RAB11FIP3: variants seen among roughly 807,000 people sequenced by gnomAD.
RAB11FIP3 encodes the protein rab11 family-interacting protein 3.
A neutral mutation model predicts 77.8 loss-of-function variants in RAB11FIP3; 17 were observed. The observed-to-expected ratio is 0.22, with a 90% confidence interval of 0.15 to 0.33. The LOEUF is 0.33. Ranked by LOEUF, RAB11FIP3 falls within the 10% of genes least tolerant of loss-of-function variation. The pLI is 1.00. For missense variants in RAB11FIP3, 1,005 were observed against 1,011.2 expected (o/e 0.99, Z 0.08); for synonymous variants, 437 against 448.2 (o/e 0.98, Z 0.31).
Position 439,457 on chromosome 16 carries a change from A to C in RAB11FIP3, c.714+12737A>C, listed in dbSNP as rs570753527. The C allele has an allele frequency of 2.0e-5, 3 of 152,358 alleles. No homozygotes were observed. The South Asian group carries it at 6.2e-4, about 32-fold the overall frequency. 9.4% of individuals were successfully genotyped at this position (152,358 alleles called of 1,614,324 possible). On this transcript the variant is annotated intron_variant, in intron 1 of 13. Transcript: ENST00000262305. ...ACCATCTTGTGATATTCTTGTGTTT[A>C]TCATAAGTTTCAAAACAGGGCTCAT...
rs1239611315 is a variant in RAB11FIP3 at position 505,411 on chromosome 16, G to A, written c.1396-113G>A. ...GATCCAACACCAGCCTAGCTAGGTG[G>A]ATCTGATTCTGTGCTGAGAAAATCC... On this transcript the variant is annotated intron_variant, in intron 7 of 13. Coordinates refer to ENST00000262305, the MANE Select transcript of RAB11FIP3 (RefSeq NM_014700.4). This position sits in a 1 kb window ranked among gnomAD's most constrained non-coding sequence, Gnocchi z 4.0. 2.6e-6 allele frequency: 2 copies of A among 759,318 alleles called. No homozygotes were observed. The highest frequency in any genetic ancestry group is 4.2e-6 in the Non-Finnish European group (2 of 473,540). The allele number at this position is 759,318 out of a possible 1,614,324, so 47.0% of individuals were successfully genotyped here.
rs1313858050 is a variant in RAB11FIP3, at chr16:425,949, G to T, written c.-58G>T. On this transcript the variant is annotated 5_prime_UTR_variant, in exon 1 of 14. Coordinates refer to ENST00000262305, the MANE Select transcript of RAB11FIP3 (RefSeq NM_014700.4). ...AGGGGATGCCCGCGCCCGCCGCCGC[G>T]CCCTGAGCGCCTTTGTCTGCCGCCC... 1.8e-5 allele frequency: 13 copies of T among 738,268 alleles called. No individual in the cohort carries two copies. Among genetic ancestry groups the T allele is most frequent in the Middle Eastern group, 6.8e-4 (1 of 1,470 alleles). The allele number at this position is 738,268 out of a possible 1,614,324, so 45.7% of individuals were successfully genotyped here.
In RAB11FIP3 at chr16:433,740, C is replaced by T. The variant is rs998235791; in HGVS notation, c.714+7020C>T. ...GTGTGGTTGCGGGCGCCTGTAGACC[C>T]ACCTACTTGGGAGGCTGAGGCAGGA... On this transcript the variant is annotated intron_variant, in intron 1 of 13. Transcript: ENST00000262305. Among the ~76,000 whole-genome samples, 7 of 151,534 alleles carry T rather than the reference C, an allele frequency of 4.6e-5. No homozygotes were observed. The South Asian group carries it at 1.5e-3, about 32-fold the overall frequency.
chr16:499,973 G>A (rs1229646394), intron 6 of RAB11FIP3, among the ~76,000 whole-genome samples: 4 of 152,210 alleles, frequency 2.6e-5, no homozygotes, highest in African/African-American at 9.6e-5. Context: ...TAAACGTCGC[G>A]ATTCGCTTCT....
intron 6 of RAB11FIP3, chr16:497,504 G>A: frequency 8.5e-7 from 1 of 1,181,466 alleles, no homozygotes; most frequent in Non-Finnish European, 1.1e-6. Flanking sequence ...CTGCTTCGTG[G>A]CCCGGCATCT....
chr16:431,212 CATATT>C (rs2055029813), intron 1 of RAB11FIP3, among the ~76,000 whole-genome samples: 1 of 151,822 alleles, frequency 6.6e-6, no homozygotes, highest in Non-Finnish European at 1.5e-5. Flanking sequence ...GTGTAAGTGG[CATATT>C]ATGTATGTGT....
At position 426,084 on chromosome 16, in the gene RAB11FIP3, G is replaced by C. The variant is rs1185632091; in HGVS notation, c.78G>C (p.Gly26=). ...GPDPEPGGPD[G]PGAAQLAPGP... ...ACCCGGAGCCGGGCGGGCCGGACGG[G>C]CCGGGGGCGGCACAACTGGCTCCGG... is the stretch of plus-strand genomic sequence containing the variant. The change falls in exon 1 of 14, where the codon GGG becomes GGC. Residue 26 remains glycine, a synonymous_variant. Coordinates refer to ENST00000262305, the MANE Select transcript of RAB11FIP3 (RefSeq NM_014700.4). This position sits in a 1 kb window ranked among gnomAD's most constrained non-coding sequence, Gnocchi z 5.0. The C allele has an allele frequency of 1.0e-6, 1 of 1,003,282 alleles. No homozygotes were observed. Among genetic ancestry groups the C allele is most frequent in the Non-Finnish European group, 1.2e-6 (1 of 843,338 alleles). The allele number at this position is 1,003,282 out of a possible 1,614,324, so 62.1% of individuals were successfully genotyped here.
At chr16:457,734 T>C (rs2055526874) in intron 1 of RAB11FIP3, among the ~76,000 whole-genome samples, 1 of 152,224 alleles carries the variant, frequency 6.6e-6, no homozygotes, top group Non-Finnish European at 1.5e-5. Context: ...GTTTAAAAAA[T>C]ATTTGGTTAA....
chr16:471,237 G>C lies in RAB11FIP3; in HGVS notation c.809-58G>C. The C allele has an allele frequency of 1.4e-6, 2 of 1,480,606 alleles. No homozygotes were observed. The highest frequency in any genetic ancestry group is 1.9e-6 in the Non-Finnish European group (2 of 1,064,080). 91.7% of individuals were successfully genotyped at this position (1,480,606 alleles called of 1,614,324 possible). ...CCCAGGGAGTCCCGAGGCCGCCAGG[G>C]GTCCCGTCACTGGGTGGCTATGGGT... On this transcript the variant is annotated intron_variant, in intron 2 of 13. Transcript: ENST00000262305. The surrounding 1 kb of genome is among the most constrained non-coding windows in gnomAD (Gnocchi z 4.4).
At chr16:469,881 T>C (rs1472055021) in intron 2 of RAB11FIP3, among the ~76,000 whole-genome samples, 1 of 152,070 alleles carries the variant, frequency 6.6e-6, no homozygotes, top group Non-Finnish European at 1.5e-5. Context: ...GGCTGGAATG[T>C]AGTGGTGCAG....
intron 9 of RAB11FIP3, among the ~76,000 whole-genome samples, chr16:515,439 CCAG>C (rs1214747425): frequency 6.6e-6 from 1 of 152,210 alleles, no homozygotes; most frequent in East Asian, 1.9e-4. Context: ...ACACCCTGCG[CCAG>C]CAGCTACACC....
chr16:501,703 A>AAC (rs2031535087), intron 6 of RAB11FIP3, among the ~76,000 whole-genome samples: 1 of 132,440 alleles, frequency 7.6e-6, no homozygotes, highest in East Asian at 2.5e-4. Context: ...AAGCTGGGAG[A>AAC]GGGTCCCCCC....
intron 1 of RAB11FIP3, among the ~76,000 whole-genome samples, chr16:432,596 T>C (rs1320070577): frequency 7.0e-6 from 1 of 142,228 alleles, no homozygotes; most frequent in Non-Finnish European, 1.5e-5. Flanking sequence ...GGTTTTTTTT[T>C]TTTTTTTGTG....
At chr16:464,265 C>G (rs1162381360) in intron 2 of RAB11FIP3, among the ~76,000 whole-genome samples, 3 of 152,080 alleles carry the variant, frequency 2.0e-5, no homozygotes, top group Non-Finnish European at 4.4e-5. Flanking sequence ...CTGATGGGGC[C>G]GTGTCTCAGT....
chr16:489,528 G>A (rs1292060016), intron 5 of RAB11FIP3, among the ~76,000 whole-genome samples: 1 of 152,176 alleles, frequency 6.6e-6, no homozygotes, highest in Non-Finnish European at 1.5e-5. Flanking sequence ...GTCTGGGTAC[G>A]TACTTCTGAG....
chr16:434,102 G>A (rs924376885), intron 1 of RAB11FIP3, among the ~76,000 whole-genome samples: 4 of 152,044 alleles, frequency 2.6e-5, no homozygotes, highest in African/African-American at 9.7e-5. Flanking sequence ...TCTGATATCA[G>A]ATGTATATTT....
rs1345805978 is a variant in RAB11FIP3, at chr16:471,163, C to A, written c.809-132C>A. On this transcript the variant is annotated intron_variant, in intron 2 of 13. Coordinates refer to ENST00000262305, the MANE Select transcript of RAB11FIP3 (RefSeq NM_014700.4). The surrounding 1 kb of genome is among the most constrained non-coding windows in gnomAD (Gnocchi z 4.4). The stretch of plus-strand genomic sequence containing the variant: ...TGCTCACTCCCTTGCTTGTCTTGAC[C>A]CCCCCCAGGGCCCCCAACTCCCACA... 1.1e-5 allele frequency: 8 copies of A among 707,908 alleles called. No individual in the cohort carries two copies. The East Asian group carries it at 2.2e-4, about 19-fold the overall frequency. The allele number at this position is 707,908 out of a possible 1,614,324, so 43.9% of individuals were successfully genotyped here.
At position 475,037 on chromosome 16, in the gene RAB11FIP3, T is replaced by C. The variant is rs1393248472; in HGVS notation, c.903+3648T>C. ...GGAGCCGGTCTCCAACAGCATGCCCTTCCTGAAGGTGTGTACAGAGCCAGG... is the reference window on the plus strand; with the variant it reads ...GGAGCCGGTCTCCAACAGCATGCCCCTCCTGAAGGTGTGTACAGAGCCAGG... On this transcript the variant is annotated intron_variant, in intron 3 of 13. Transcript: ENST00000262305. 5 of 1,551,570 alleles carry C rather than the reference T, an allele frequency of 3.2e-6. No homozygotes were observed. In the African/African-American group the frequency reaches 6.8e-5, roughly 21 times the overall value.
At chr16:446,550 C>T (rs1036495404) in intron 1 of RAB11FIP3, among the ~76,000 whole-genome samples, 5 of 152,194 alleles carry the variant, frequency 3.3e-5, no homozygotes, top group African/African-American at 9.7e-5. Flanking sequence ...CACGTGGTCT[C>T]ATCCTTCACA....
Sources: allele counts gnomAD v4.1 joint callset (sites outside exome capture counted in the v4.1 genomes callset), GRCh38; gene constraint gnomAD v4.1.1; non-coding constraint Gnocchi (gnomAD v3.1); transcripts MANE v1.5; gene names NCBI Gene and HGNC (gene_info 2026-07-23, HGNC 2026-07-21).